The following LAMC1 variants were observed in gnomAD, a reference collection of about 807,000 sequenced individuals.
LAMC1 encodes laminin subunit gamma-1.
In LAMC1, 38 loss-of-function variants were observed where a neutral mutation model predicts 173.6. The observed-to-expected ratio is 0.22, with a 90% CI of 0.17 to 0.29. The LOEUF (loss-of-function observed/expected upper bound fraction) is 0.29, where lower values mean the gene tolerates loss of function less well. Ranked by LOEUF, LAMC1 falls within the 10% of genes least tolerant of loss-of-function variation. The probability of loss-of-function intolerance (pLI) is 1.00; values close to 1 mark genes in which losing one functional copy is unlikely to be tolerated. For synonymous variants in LAMC1, 746 were observed against 749.1 expected (o/e 1.00, Z 0.07); for missense variants, 1,824 against 2,051.8 (o/e 0.89, Z 2.14).
At chr1:183,126,366 T>TG in intron 16 of LAMC1, 104 bp downstream of exon 16, 1 of 1,158,614 alleles carries the variant, frequency 8.6e-7, no homozygotes, top group Non-Finnish European at 1.2e-6. Flanking sequence ...ACTTGACTCA[T>TG]AGTCAGGGCT....
chr1:183,116,871 G>A lies in LAMC1; in HGVS notation c.1532G>A (p.Ser511Asn). ...SSVCTNAVGY[S>N]VYSISSTFQI... ...GTCTGTACAAACGCTGTTGGCTACAGTGTTTATTCTATCTCCTCTACCTTT... is the reference window on the plus strand; with the variant it reads ...GTCTGTACAAACGCTGTTGGCTACAATGTTTATTCTATCTCCTCTACCTTT... The change falls in exon 8 of 28, where the codon AGT becomes AAT. Residue 511 changes from serine to asparagine, a missense_variant. Transcript: ENST00000258341. The A allele has an allele frequency of 6.2e-7, 1 of 1,614,152 alleles. No homozygotes were observed. Among genetic ancestry groups the A allele is most frequent in the Non-Finnish European group, 8.5e-7 (1 of 1,180,012 alleles).
intron 20 of LAMC1, 67 bp from the exon 21 acceptor site, chr1:183,132,333 C>T: frequency 1.8e-6 from 2 of 1,106,070 alleles, no homozygotes; most frequent in South Asian, 1.6e-5. Context: ...GTAAGCATTA[C>T]CTGAATTTTA....
At chr1:183,031,193 G>A (rs1243706675) in intron 1 of LAMC1, among the ~76,000 whole-genome samples, 2 of 152,218 alleles carry the variant, frequency 1.3e-5, no homozygotes, top group African/African-American at 4.8e-5. Context: ...TGAAAGGACT[G>A]TAAATGTAGA....
chr1:183,111,994 G>A (rs1571447484), intron 4 of LAMC1, among the ~76,000 whole-genome samples: 1 of 152,124 alleles, frequency 6.6e-6, no homozygotes, highest in East Asian at 1.9e-4. Context: ...AGTCAAGATT[G>A]CGCCACTGCA....
chr1:183,050,573 T>C (rs61804970), intron 1 of LAMC1, among the ~76,000 whole-genome samples: 67,970 of 135,874 alleles, frequency 0.5, 17,483 homozygotes, highest in South Asian at 0.65. Flanking sequence ...TGAGCCACCG[T>C]GCCTGGCCTC....
chr1:183,126,226 G>A lies in LAMC1; in HGVS notation c.2908G>A (p.Val970Ile). The A allele has an allele frequency of 6.2e-7, 1 of 1,614,166 alleles. No individual in the cohort carries two copies. Among genetic ancestry groups the A allele is most frequent in the South Asian group, 1.1e-5 (1 of 91,082 alleles). The change falls in exon 16 of 28, where the codon GTC (valine) becomes ATC (isoleucine). Residue 970 changes from valine (V) to isoleucine (I), a missense_variant. Val to Ile is a conservative substitution (Grantham distance 29). Coordinates refer to ENST00000258341, the MANE Select transcript of LAMC1 (RefSeq NM_002293.4). The part of the protein sequence containing the change: ...ITGQHCERCE[V>I]NHFGFGPEGC... ...TGGTCAGCACTGTGAGCGCTGTGAG[G>A]TCAACCACTTTGGGTTTGGACCTGA...
intron 1 of LAMC1, among the ~76,000 whole-genome samples, chr1:183,092,133 G>T (rs1429813359): frequency 6.6e-6 from 1 of 152,156 alleles, no homozygotes; most frequent in Non-Finnish European, 1.5e-5. Context: ...GTGTCTTAAA[G>T]AAGACTGCTA....
At chr1:183,086,565 A>AGAAATCAAGAGTTATCTTT in intron 1 of LAMC1, among the ~76,000 whole-genome samples, 1 of 152,260 alleles carries the variant, frequency 6.6e-6, no homozygotes, top group Admixed American at 6.5e-5. Flanking sequence ...TTGTAGACAC[A>AGAAATCAAGAGTTATCTTT]GAAATCAAGA....
chr1:183,086,978 A>G (rs1284066890), intron 1 of LAMC1, among the ~76,000 whole-genome samples: 35 of 152,218 alleles, frequency 2.3e-4, no homozygotes, highest in Admixed American at 2.3e-3. Flanking sequence ...AGCTAGATGT[A>G]TACATTAAAG....
chr1:183,134,300 G>C (rs1656877556), intron 22 of LAMC1, among the ~76,000 whole-genome samples: 1 of 152,166 alleles, frequency 6.6e-6, no homozygotes, highest in South Asian at 2.1e-4. Context: ...AAAATAGGCA[G>C]AATTAGTCTA....
At chr1:183,115,908 A>G (rs563141189) in intron 6 of LAMC1, among the ~76,000 whole-genome samples, 3 of 152,192 alleles carry the variant, frequency 2.0e-5, no homozygotes, top group African/African-American at 4.8e-5. Flanking sequence ...TGGGAGGCCA[A>G]GGTGGCTGGA....
chr1:183,053,913 A>G (rs1654508207), intron 1 of LAMC1, among the ~76,000 whole-genome samples: 1 of 152,224 alleles, frequency 6.6e-6, no homozygotes, highest in Non-Finnish European at 1.5e-5. Context: ...GGTGTGAGCC[A>G]CTGCTCCTGG....
At chr1:183,070,770 G>A (rs745759071) in intron 1 of LAMC1, among the ~76,000 whole-genome samples, 3 of 151,932 alleles carry the variant, frequency 2.0e-5, no homozygotes, top group Non-Finnish European at 4.4e-5. Flanking sequence ...CCCTTGTAAT[G>A]TCAACCTCGG....
intron 11 of LAMC1, among the ~76,000 whole-genome samples, chr1:183,119,742 G>A (rs12045491): frequency 0.014 from 1,663 of 122,438 alleles, 31 homozygotes; most frequent in African/African-American, 0.041. Flanking sequence ...TGAAAAAAAA[G>A]TAAAATAAAT....
intron 1 of LAMC1, among the ~76,000 whole-genome samples, chr1:183,042,246 G>A (rs1654155782): frequency 6.6e-6 from 1 of 152,122 alleles, no homozygotes; most frequent in Non-Finnish European, 1.5e-5. Flanking sequence ...ATTCTTATGT[G>A]CCTGGTTGAG....
intron 21 of LAMC1, among the ~76,000 whole-genome samples, chr1:183,133,085 A>G (rs1656843296): frequency 6.6e-6 from 1 of 151,708 alleles, no homozygotes; most frequent in South Asian, 2.1e-4. Flanking sequence ...TAATTTTTGT[A>G]TTTTCAGTAG....
intron 3 of LAMC1, among the ~76,000 whole-genome samples, chr1:183,108,639 C>T (rs1656056468): frequency 1.3e-5 from 2 of 152,174 alleles, no homozygotes; most frequent in African/African-American, 2.4e-5. Context: ...GTAGGTTTTC[C>T]AAAACCTTGT....
At chr1:183,076,899 C>T (rs116580132) in intron 1 of LAMC1, among the ~76,000 whole-genome samples, 1,612 of 152,302 alleles carry the variant, frequency 0.011, 27 homozygotes, top group African/African-American at 0.037. Flanking sequence ...CATCTAATAC[C>T]TTGTCCTAAA....
chr1:183,131,645 C>T (rs1656794713), intron 20 of LAMC1, among the ~76,000 whole-genome samples: 1 of 152,008 alleles, frequency 6.6e-6, no homozygotes, highest in Non-Finnish European at 1.5e-5. Context: ...TTTCTCAAAA[C>T]CATAATATTT....
Sources: allele counts gnomAD v4.1 joint callset (sites outside exome capture counted in the v4.1 genomes callset), GRCh38; gene constraint gnomAD v4.1.1; transcripts MANE v1.5; gene names NCBI Gene and HGNC (gene_info 2026-07-23, HGNC 2026-07-21).